Variants in GPC5 observed in about 807,000 individuals in gnomAD.
GPC5 encodes glypican-5.
Under a neutral mutation model 53.9 loss-of-function variants are expected in GPC5, and 47 were observed. That is an observed-to-expected ratio of 0.87 (90% CI 0.69 to 1.11). The LOEUF (loss-of-function observed/expected upper bound fraction) is 1.11, where lower values mean the gene tolerates loss of function less well. GPC5 is among the 50% of genes most tolerant of loss of function. GPC5 has a pLI of 0.00. For synonymous variants in GPC5, 286 were observed against 263.3 expected (o/e 1.09, Z -0.84); for missense variants, 748 against 713.1 (o/e 1.05, Z -0.56).
chr13:92,773,875 A>G (rs1875699858), intron 7 of GPC5, among the ~76,000 whole-genome samples: 1 of 152,234 alleles, frequency 6.6e-6, no homozygotes, highest in Non-Finnish European at 1.5e-5. Context: ...ATGAACTCAC[A>G]GTTCCACATG....
intron 6 of GPC5, among the ~76,000 whole-genome samples, chr13:91,961,867 G>A (rs1286523304): frequency 6.6e-6 from 1 of 152,084 alleles, no homozygotes; most frequent in Non-Finnish European, 1.5e-5. Flanking sequence ...GGAGGGAGAC[G>A]TGGGTTCCTC....
chr13:91,902,075 T>C (rs2039503608), intron 5 of GPC5, among the ~76,000 whole-genome samples: 1 of 152,036 alleles, frequency 6.6e-6, no homozygotes, highest in Non-Finnish European at 1.5e-5. Flanking sequence ...GACAGACCCC[T>C]GTAACTGATT....
At chr13:92,013,334 A>G (rs546669641) in intron 6 of GPC5, among the ~76,000 whole-genome samples, 2 of 152,236 alleles carry the variant, frequency 1.3e-5, no homozygotes, top group African/African-American at 4.8e-5. Context: ...CTTCTCCTGA[A>G]GTTCAGCTGG....
intron 7 of GPC5, among the ~76,000 whole-genome samples, chr13:92,381,496 A>G (rs2139306900): frequency 6.6e-6 from 1 of 152,260 alleles, no homozygotes; most frequent in Admixed American, 6.5e-5. Context: ...AAAATCAAAA[A>G]ACAGTAGTTG....
At chr13:91,754,411 A>G (rs1433277027) in intron 4 of GPC5, among the ~76,000 whole-genome samples, 1 of 152,138 alleles carries the variant, frequency 6.6e-6, no homozygotes, top group African/African-American at 2.4e-5. Context: ...TGGAAAAGAA[A>G]GACATAAAGC....
At chr13:91,402,259 T>A (rs917277862) in intron 1 of GPC5, among the ~76,000 whole-genome samples, 1 of 152,234 alleles carries the variant, frequency 6.6e-6, no homozygotes, top group African/African-American at 2.4e-5. Context: ...TATCAAGTAG[T>A]CTGTGAAAGT....
chr13:92,725,845 C>A (rs1308064966), intron 7 of GPC5, among the ~76,000 whole-genome samples: 1 of 151,476 alleles, frequency 6.6e-6, no homozygotes, highest in Non-Finnish European at 1.5e-5. Context: ...CTAATATAAC[C>A]TGAAAGTAGA....
intron 6 of GPC5, among the ~76,000 whole-genome samples, chr13:91,917,218 G>A (rs2039668197): frequency 6.6e-6 from 1 of 152,130 alleles, no homozygotes; most frequent in African/African-American, 2.4e-5. Flanking sequence ...CCAAAACTAA[G>A]AAGCTACAGG....
chr13:92,039,554 A>G (rs1446514452), intron 6 of GPC5, among the ~76,000 whole-genome samples: 1 of 152,260 alleles, frequency 6.6e-6, no homozygotes, highest in Admixed American at 6.5e-5. Context: ...CACTAAGATC[A>G]GCAAAAGTTG....
intron 7 of GPC5, among the ~76,000 whole-genome samples, chr13:92,427,527 G>A (rs2139370026): frequency 6.6e-6 from 1 of 151,820 alleles, no homozygotes; most frequent in Middle Eastern, 3.4e-3. Context: ...ATAAAAACAT[G>A]CCACGTTACT....
intron 5 of GPC5, among the ~76,000 whole-genome samples, chr13:91,905,833 T>C (rs2039547057): frequency 6.6e-6 from 1 of 152,176 alleles, no homozygotes; most frequent in Non-Finnish European, 1.5e-5. Flanking sequence ...AGTATTATGA[T>C]ATTTAATGTA....
At chr13:91,986,060 A>AATTT (rs2040404162) in intron 6 of GPC5, among the ~76,000 whole-genome samples, 1 of 94,892 alleles carries the variant, frequency 1.1e-5, no homozygotes, top group Non-Finnish European at 2.2e-5. Flanking sequence ...CTTAGCCAAT[A>AATTT]CTTTTTTTTT....
Position 91,547,507 on chromosome 13 carries a change from G to A in GPC5, c.325+98585G>A, listed in dbSNP as rs77435536. Among the ~76,000 whole-genome samples, 1,043 of 152,144 alleles carry A rather than the reference G, an allele frequency of 6.9e-3. 6 individuals are homozygous for A. Among genetic ancestry groups the A allele is most frequent in the African/African-American group, 0.014 (602 of 41,542 alleles). On this transcript the variant is annotated intron_variant, in intron 2 of 7. Coordinates refer to ENST00000377067, the MANE Select transcript of GPC5 (RefSeq NM_004466.6). The stretch of plus-strand genomic sequence containing the variant: ...GTTTAAAAAATTGAATCAATTAATA[G>A]TCTTCCAAAACAGAAAGCACCAGGC...
At chr13:92,596,699 C>A (rs1314419738) in intron 7 of GPC5, among the ~76,000 whole-genome samples, 1 of 152,166 alleles carries the variant, frequency 6.6e-6, no homozygotes, top group Non-Finnish European at 1.5e-5. Flanking sequence ...GTCTCAATCT[C>A]TTGACCTTGT....
chr13:92,852,278 T>G (rs9556229), intron 7 of GPC5, among the ~76,000 whole-genome samples: 17,732 of 152,098 alleles, frequency 0.12, 1,353 homozygotes, highest in East Asian at 0.33. Context: ...TTGTAGCGTG[T>G]TTAGCAACTG....
chr13:91,498,433 A>G (rs1884423886), intron 2 of GPC5, among the ~76,000 whole-genome samples: 1 of 152,032 alleles, frequency 6.6e-6, no homozygotes. Flanking sequence ...TTGAGCAGGG[A>G]TTTGAGCACA....
At chr13:92,727,309 T>C (rs1250650636) in intron 7 of GPC5, among the ~76,000 whole-genome samples, 1 of 151,542 alleles carries the variant, frequency 6.6e-6, no homozygotes, top group Non-Finnish European at 1.5e-5. Flanking sequence ...TTGGGTTAAT[T>C]CAAACATTTT....
rs1001038924 is a variant in GPC5 at position 91,888,738 on chromosome 13, G to A, written c.1281-19199G>A. ...CTCAGAAAATAATCTTAAATGGCCCGTTGGTATGATGCAAGTTGCTTATCA... is the reference window on the plus strand; with the variant it reads ...CTCAGAAAATAATCTTAAATGGCCCATTGGTATGATGCAAGTTGCTTATCA... On this transcript the variant is annotated intron_variant, in intron 5 of 7. Transcript: ENST00000377067. 3.9e-5 allele frequency among the ~76,000 whole-genome samples: 6 copies of A among 152,182 alleles called. No homozygotes were observed. The South Asian group carries it at 8.3e-4, about 21-fold the overall frequency.
At chr13:91,639,815 T>G (rs1463094398) in intron 2 of GPC5, among the ~76,000 whole-genome samples, 2 of 152,246 alleles carry the variant, frequency 1.3e-5, no homozygotes, top group Non-Finnish European at 1.5e-5. Flanking sequence ...AAGCATTATT[T>G]GATTTCAATC....
Sources: gnomAD v4.1 joint callset for allele counts (sites outside exome capture counted in the v4.1 genomes callset) on GRCh38, gnomAD v4.1.1 for gene constraint, MANE v1.5 for transcripts, NCBI Gene and HGNC (gene_info 2026-07-23, HGNC 2026-07-21) for gene names.